AK5: variants seen among roughly 807,000 people sequenced by gnomAD.
AK5 encodes adenylate kinase 5.
In AK5, 27 loss-of-function variants were observed where a neutral mutation model predicts 69.5. The ratio of observed to expected loss-of-function variants is 0.39; its 90% confidence interval spans 0.29 to 0.54. The LOEUF (loss-of-function observed/expected upper bound fraction) is 0.54. Among genes scored for constraint, AK5 ranks in the 20% least tolerant of loss-of-function variants. The probability of loss-of-function intolerance (pLI) is 0.71; values close to 1 mark genes in which losing one functional copy is unlikely to be tolerated. For synonymous variants in AK5, 260 were observed against 244.4 expected, an observed-to-expected ratio of 1.06 and a Z score of -0.60; for missense variants, 531 against 700.4, an observed-to-expected ratio of 0.76 and a Z score of 2.73.
intron 8 of AK5, among the ~76,000 whole-genome samples, chr1:77,458,889 G>A (rs1653661523): frequency 1.3e-5 from 2 of 152,178 alleles, no homozygotes; most frequent in Admixed American, 1.3e-4. Flanking sequence ...ACCACAGGCA[G>A]GGACCAGTCA....
Position 77,444,785 on chromosome 1 carries a change from C to G in AK5, c.1059+27070C>G, listed in dbSNP as rs1382591862. On this transcript the variant is annotated intron_variant, in intron 8 of 13. Transcript: ENST00000354567. ...GGGGGGAGGGTCTCACTTTCTTGAC[C>G]CCAGGGGTCTTGAACTCCTGGGCTC... Among the ~76,000 whole-genome samples, 3 of 148,292 alleles carry G rather than the reference C, an allele frequency of 2.0e-5. No homozygotes were observed. In the Admixed American group the frequency reaches 2.0e-4, roughly 10 times the overall value.
Position 77,375,584 on chromosome 1 carries a change from T to C in AK5, c.891+35016T>C, listed in dbSNP as rs927885143. Among the ~76,000 whole-genome samples, 3 of 152,286 alleles carry C rather than the reference T, an allele frequency of 2.0e-5. No individual in the cohort carries two copies. The East Asian group carries it at 5.8e-4, about 29-fold the overall frequency. ...TACAATCTATAGGTTACAAATGTTT[T>C]GATGGACTGGATCTTCAGCTATTCT... On this transcript the variant is annotated intron_variant, in intron 6 of 13. Transcript: ENST00000354567.
At chr1:77,515,772 C>T (rs1425746189) in intron 10 of AK5, among the ~76,000 whole-genome samples, 1 of 152,108 alleles carries the variant, frequency 6.6e-6, no homozygotes, top group African/African-American at 2.4e-5. Context: ...TGAATGTGAC[C>T]GGGCACAGTG....
intron 13 of AK5, among the ~76,000 whole-genome samples, chr1:77,545,632 G>C (rs1305768720): frequency 1.3e-5 from 2 of 152,078 alleles, no homozygotes; most frequent in Non-Finnish European, 2.9e-5. Context: ...CTACTCCCCT[G>C]GCTCTCCATG....
chr1:77,407,364 C>G (rs1250649967), intron 6 of AK5, among the ~76,000 whole-genome samples: 2 of 152,076 alleles, frequency 1.3e-5, no homozygotes, highest in African/African-American at 4.8e-5. Flanking sequence ...TGATGAATCT[C>G]AGAATAATAG....
At chr1:77,334,418 C>T (rs1661246180) in intron 5 of AK5, among the ~76,000 whole-genome samples, 1 of 152,010 alleles carries the variant, frequency 6.6e-6, no homozygotes, top group Non-Finnish European at 1.5e-5. Flanking sequence ...CTATGATGTG[C>T]TTAGATCTGA....
intron 7 of AK5, among the ~76,000 whole-genome samples, chr1:77,412,124 A>C (rs549612109): frequency 6.6e-6 from 1 of 152,282 alleles, no homozygotes; most frequent in East Asian, 1.9e-4. Context: ...AGATATCCTC[A>C]GTTTGCTAAT....
intron 6 of AK5, among the ~76,000 whole-genome samples, chr1:77,403,929 G>T (rs950334675): frequency 3.3e-5 from 5 of 152,200 alleles, no homozygotes; most frequent in African/African-American, 1.2e-4. Context: ...CTACCCATGA[G>T]CATGGAATGT....
chr1:77,367,710 T>C (rs1292868121), intron 6 of AK5, among the ~76,000 whole-genome samples: 11 of 87,458 alleles, frequency 1.3e-4, no homozygotes, highest in South Asian at 3.5e-4. Flanking sequence ...GTTATATATA[T>C]GTTATATATA....
At chr1:77,335,056 G>T (rs1661277925) in intron 5 of AK5, among the ~76,000 whole-genome samples, 1 of 152,094 alleles carries the variant, frequency 6.6e-6, no homozygotes, top group African/African-American at 2.4e-5. Flanking sequence ...TAGCTTATCT[G>T]AATTATGGAG....
At chr1:77,365,049 T>C (rs1646927395) in intron 6 of AK5, among the ~76,000 whole-genome samples, 1 of 152,240 alleles carries the variant, frequency 6.6e-6, no homozygotes, top group Non-Finnish European at 1.5e-5. Context: ...TTTTTATCTT[T>C]TGATAACATT....
intron 8 of AK5, among the ~76,000 whole-genome samples, chr1:77,455,190 C>T (rs1653401013): frequency 6.6e-6 from 1 of 152,182 alleles, no homozygotes; most frequent in South Asian, 2.1e-4. Flanking sequence ...AGGAATTGAA[C>T]CAAATCTCCC....
intron 8 of AK5, among the ~76,000 whole-genome samples, chr1:77,448,254 G>A (rs1652880074): frequency 6.6e-6 from 1 of 152,162 alleles, no homozygotes; most frequent in African/African-American, 2.4e-5. Context: ...AACTTGTGGT[G>A]CTCTTTTCAG....
intron 13 of AK5, among the ~76,000 whole-genome samples, chr1:77,540,947 C>G (rs1027073440): frequency 6.6e-6 from 1 of 151,882 alleles, no homozygotes; most frequent in Non-Finnish European, 1.5e-5. Context: ...CGCTCTGTCA[C>G]CCAGGCTGGA....
At chr1:77,377,015 A>G (rs1647295541) in intron 6 of AK5, among the ~76,000 whole-genome samples, 1 of 152,238 alleles carries the variant, frequency 6.6e-6, no homozygotes, top group African/African-American at 2.4e-5. Context: ...ATAAGCAATT[A>G]TATGACTCTA....
intron 2 of AK5, among the ~76,000 whole-genome samples, chr1:77,291,339 C>A (rs977933460): frequency 6.6e-6 from 1 of 152,194 alleles, no homozygotes; most frequent in African/African-American, 2.4e-5. Flanking sequence ...TGCTGCCACT[C>A]TAGCCTAAGC....
intron 6 of AK5, among the ~76,000 whole-genome samples, chr1:77,376,454 A>AAAAAAAAC: frequency 6.9e-6 from 1 of 144,972 alleles, no homozygotes; most frequent in African/African-American, 2.5e-5. Flanking sequence ...AAAAAAACAA[A>AAAAAAAAC]AAAAAAAAAC....
intron 2 of AK5, among the ~76,000 whole-genome samples, chr1:77,293,258 A>T (rs12079206): frequency 0.1 from 15,311 of 152,180 alleles, 962 homozygotes; most frequent in East Asian, 0.2. Context: ...TGGGTCGTAG[A>T]AAGCAGCTTA....
chr1:77,490,501 G>A (rs1379822475), intron 10 of AK5, among the ~76,000 whole-genome samples: 1 of 152,206 alleles, frequency 6.6e-6, no homozygotes, highest in East Asian at 1.9e-4. Context: ...AAGCAGCTCA[G>A]TAGCTGTTTA....
Sources: gnomAD v4.1 joint callset for allele counts (sites outside exome capture counted in the v4.1 genomes callset) on GRCh38, gnomAD v4.1.1 for gene constraint, MANE v1.5 for transcripts, NCBI Gene and HGNC (gene_info 2026-07-23, HGNC 2026-07-21) for gene names.